Variants in ASXL3 observed in about 807,000 individuals in gnomAD.
ASXL3 encodes the protein putative Polycomb group protein ASXL3.
In ASXL3, 34 loss-of-function variants were observed where a neutral mutation model predicts 170.6. That is an observed-to-expected ratio of 0.20 (90% CI 0.15 to 0.27). ASXL3 has a LOEUF of 0.27. Ranked by LOEUF, ASXL3 falls within the 10% of genes least tolerant of loss-of-function variation. The pLI is 1.00. For synonymous variants in ASXL3, 1,002 were observed against 989.1 expected (o/e 1.01, Z -0.24); for missense variants, 2,592 against 2,695.3 (o/e 0.96, Z 0.85).
In ASXL3 at chr18:33,638,010, T is replaced by G. The variant is rs531882327; in HGVS notation, c.138-6884T>G. On this transcript the variant is annotated intron_variant, in intron 2 of 11. Coordinates refer to ENST00000269197, the MANE Select transcript of ASXL3 (RefSeq NM_030632.3). ...AGCTTGACATACATAAATAGAGTGC[T>G]CAATAAATGTTTGTTCAGTGAAAGA... Among the ~76,000 whole-genome samples, 3 of 152,056 alleles carry G rather than the reference T, an allele frequency of 2.0e-5. No homozygotes were observed. In the South Asian group the frequency reaches 6.2e-4, roughly 31 times the overall value.
intron 2 of ASXL3, among the ~76,000 whole-genome samples, chr18:33,632,019 TA>T (rs1443755169): frequency 1.3e-5 from 2 of 152,148 alleles, no homozygotes; most frequent in African/African-American, 4.8e-5. Flanking sequence ...GGAGTTGGTA[TA>T]TTGAGTGATT....
chr18:33,738,269 T>C (rs1452516932), intron 10 of ASXL3, among the ~76,000 whole-genome samples: 1 of 152,214 alleles, frequency 6.6e-6, no homozygotes, highest in Non-Finnish European at 1.5e-5. Flanking sequence ...AATAAAAATC[T>C]AGACTGTTCT....
chr18:33,720,172 A>G (rs1262467713), intron 8 of ASXL3, among the ~76,000 whole-genome samples: 1 of 152,028 alleles, frequency 6.6e-6, no homozygotes, highest in East Asian at 1.9e-4. Context: ...GCCCCATGCT[A>G]TTAAAAAAGA....
At chr18:33,698,941 G>A (rs1326087608) in intron 8 of ASXL3, among the ~76,000 whole-genome samples, 1 of 152,118 alleles carries the variant, frequency 6.6e-6, no homozygotes, top group Non-Finnish European at 1.5e-5. Context: ...CCAAGGCTGT[G>A]CCCGTTCGTG....
intron 2 of ASXL3, among the ~76,000 whole-genome samples, chr18:33,640,746 TATTA>T (rs1349447584): frequency 6.6e-6 from 1 of 152,062 alleles, no homozygotes. Flanking sequence ...AAAGAAGCAT[TATTA>T]ATTTTTTTGA....
intron 2 of ASXL3, among the ~76,000 whole-genome samples, chr18:33,640,903 A>T (rs917027753): frequency 6.6e-6 from 1 of 152,012 alleles, no homozygotes; most frequent in Non-Finnish European, 1.5e-5. Flanking sequence ...TTCTATATTT[A>T]AAAAATGAGG....
chr18:33,709,372 G>C (rs2067018068), intron 8 of ASXL3, among the ~76,000 whole-genome samples: 1 of 151,230 alleles, frequency 6.6e-6, no homozygotes, highest in South Asian at 2.1e-4. Flanking sequence ...CCAAAACTTG[G>C]AAACTACCAA....
chr18:33,662,829 G>A (rs1251860661), intron 5 of ASXL3, among the ~76,000 whole-genome samples: 2 of 152,056 alleles, frequency 1.3e-5, no homozygotes, highest in Non-Finnish European at 2.9e-5. Flanking sequence ...CTAAAATAGA[G>A]TTTTTTTAAG....
Position 33,746,467 on chromosome 18 carries a change from G to T in ASXL3, c.6619G>T (p.Asp2207Tyr). ...VQNFADSSNA[D>Y]ELELKCSCRL... Reference sequence around the variant, plus strand: ...GAACTTTGCCGACAGCAGCAATGCAGATGAATTGGAACTGAAATGCTCTTG... The same window carrying T: ...GAACTTTGCCGACAGCAGCAATGCATATGAATTGGAACTGAAATGCTCTTG... The change falls in exon 12 of 12, where the codon GAT becomes TAT. Residue 2207 changes from aspartate to tyrosine, a missense_variant. Coordinates refer to ENST00000269197, the MANE Select transcript of ASXL3 (RefSeq NM_030632.3). 3.1e-6 allele frequency: 5 copies of T among 1,614,062 alleles called. No individual in the cohort carries two copies. Among genetic ancestry groups the T allele is most frequent in the Non-Finnish European group, 4.2e-6 (5 of 1,179,900 alleles).
chr18:33,651,398 A>G (rs2065996080), intron 4 of ASXL3, among the ~76,000 whole-genome samples: 1 of 151,986 alleles, frequency 6.6e-6, no homozygotes. Context: ...GGTTGGGTAT[A>G]TGAGTGGATG....
intron 8 of ASXL3, among the ~76,000 whole-genome samples, chr18:33,688,001 C>T (rs894940119): frequency 6.6e-6 from 1 of 151,988 alleles, no homozygotes. Context: ...TTTTCTAAAC[C>T]CTAATCCCTT....
chr18:33,597,975 C>T (rs990361521), intron 1 of ASXL3, among the ~76,000 whole-genome samples: 1 of 152,050 alleles, frequency 6.6e-6, no homozygotes, highest in African/African-American at 2.4e-5. Flanking sequence ...TATATGGATT[C>T]CCAAGATTTA....
intron 8 of ASXL3, among the ~76,000 whole-genome samples, chr18:33,689,245 C>T (rs1352284423): frequency 3.9e-5 from 6 of 152,156 alleles, no homozygotes; most frequent in Middle Eastern, 3.2e-3. Context: ...CCACCCGCCT[C>T]GGCCTCCCAA....
chr18:33,641,287 G>A (rs990057115), intron 2 of ASXL3, among the ~76,000 whole-genome samples: 2 of 152,014 alleles, frequency 1.3e-5, no homozygotes, highest in African/African-American at 4.8e-5. Flanking sequence ...TTGATGTCTA[G>A]ACAGTTTAAA....
chr18:33,584,946 AT>A (rs1330584851), intron 1 of ASXL3, among the ~76,000 whole-genome samples: 1 of 150,426 alleles, frequency 6.6e-6, no homozygotes, highest in Admixed American at 6.6e-5. Flanking sequence ...GTAACTTGTC[AT>A]TTTTTAAAAA....
chr18:33,628,252 C>T (rs2065629115), intron 2 of ASXL3, among the ~76,000 whole-genome samples: 1 of 151,994 alleles, frequency 6.6e-6, no homozygotes, highest in South Asian at 2.1e-4. Context: ...ATTATTTGGC[C>T]TCGGTCTCGC....
At chr18:33,601,753 C>G in intron 1 of ASXL3, among the ~76,000 whole-genome samples, 1 of 102,660 alleles carries the variant, frequency 9.7e-6, no homozygotes, top group African/African-American at 3.7e-5. Flanking sequence ...TAGTTTAAAC[C>G]ATTATCTGAG....
At chr18:33,688,081 C>A in intron 8 of ASXL3, among the ~76,000 whole-genome samples, 1 of 152,148 alleles carries the variant, frequency 6.6e-6, no homozygotes, top group East Asian at 1.9e-4. Flanking sequence ...ACTGGTATTT[C>A]ATGCAAAAGA....
chr18:33,675,623 G>A (rs2066413040), intron 7 of ASXL3, among the ~76,000 whole-genome samples: 1 of 151,992 alleles, frequency 6.6e-6, no homozygotes, highest in Non-Finnish European at 1.5e-5. Flanking sequence ...TCTTCTGATT[G>A]TCCCCTAAGT....
Sources: allele counts gnomAD v4.1 joint callset (sites outside exome capture counted in the v4.1 genomes callset), GRCh38; gene constraint gnomAD v4.1.1; transcripts MANE v1.5; gene names NCBI Gene and HGNC (gene_info 2026-07-23, HGNC 2026-07-21).